Variants in PRICKLE2 observed in about 807,000 individuals in gnomAD.
PRICKLE2 encodes prickle planar cell polarity protein 2.
Under a neutral mutation model 81.4 loss-of-function variants are expected in PRICKLE2, and 21 were observed. The ratio of observed to expected loss-of-function variants is 0.26; its 90% confidence interval spans 0.18 to 0.37. The LOEUF is 0.37. PRICKLE2 is among the 10% of genes least tolerant of loss of function. PRICKLE2 has a pLI of 1.00. For synonymous variants in PRICKLE2, 456 were observed against 421.5 expected (o/e 1.08, Z -1.00); for missense variants, 940 against 1,109.0 (o/e 0.85, Z 2.16).
At chr3:64,120,060 G>T (rs3889648) in intron 7 of PRICKLE2, among the ~76,000 whole-genome samples, 16,015 of 152,154 alleles carry the variant, frequency 0.11, 993 homozygotes, top group Middle Eastern at 0.26. Context: ...CTACTAGAGG[G>T]GAAGGAGGGA....
At chr3:64,201,795 T>C (rs941622403) in intron 1 of PRICKLE2, among the ~76,000 whole-genome samples, 1 of 152,208 alleles carries the variant, frequency 6.6e-6, no homozygotes, top group Non-Finnish European at 1.5e-5. Context: ...TTTAATCATT[T>C]CTAAGAAGCC....
At chr3:64,141,078 A>T (rs532793199) in intron 7 of PRICKLE2, among the ~76,000 whole-genome samples, 5 of 152,288 alleles carry the variant, frequency 3.3e-5, no homozygotes, top group African/African-American at 1.2e-4. Flanking sequence ...TAATGATCAG[A>T]TTTATCTCAC....
rs117333894 is a variant in PRICKLE2 at position 64,214,937 on chromosome 3, A to G, written c.-41+9973T>C. 4.0e-3 allele frequency among the ~76,000 whole-genome samples: 610 copies of G among 151,676 alleles called. 16 individuals carry two copies. The highest frequency in any genetic ancestry group is 0.031 in the East Asian group (159 of 5,112). On this transcript the variant is annotated intron_variant, in intron 1 of 7. Coordinates refer to ENST00000638394, the MANE Select transcript of PRICKLE2 (RefSeq NM_198859.4). ...CATTTATTCATTATCTCTTTTTACC[A>G]CCTCTATCTTTACTATCCTACTCCA... is the stretch of plus-strand genomic sequence containing the variant.
At chr3:64,125,669 A>G (rs368725916) in intron 7 of PRICKLE2, among the ~76,000 whole-genome samples, 23 of 152,372 alleles carry the variant, frequency 1.5e-4, no homozygotes, top group African/African-American at 5.5e-4. Context: ...CACTTTTTAG[A>G]CAGAATAGTA....
chr3:64,161,864 A>G lies in PRICKLE2; in HGVS notation c.258+1152T>C, dbSNP rs149805725. Among the ~76,000 whole-genome samples, 353 of 152,224 alleles carry G rather than the reference A, an allele frequency of 2.3e-3. 3 individuals are homozygous for G. Among genetic ancestry groups the G allele is most frequent in the African/African-American group, 7.7e-3 (320 of 41,546 alleles). On this transcript the variant is annotated intron_variant, in intron 3 of 7. Coordinates refer to ENST00000638394, the MANE Select transcript of PRICKLE2 (RefSeq NM_198859.4). ...ACCCTTCCTGCTTGTAAAAACCCGC[A>G]TTTTCACTTCCAAATTAGTTAACCA...
intron 7 of PRICKLE2, chr3:64,104,786 T>A (rs1030268396): frequency 6.6e-6 from 1 of 152,224 alleles, no homozygotes; most frequent in African/African-American, 2.4e-5. Context: ...AAATACTACC[T>A]GCTCACTCTA....
In PRICKLE2 at chr3:64,151,123, G is replaced by A. The variant is rs536736771; in HGVS notation, c.787+2059C>T. ...GCAACGGCTGCCTGACGCAGGGCCT[G>A]CTCTGAGCGGCTGTATAAATATGGA... On this transcript the variant is annotated intron_variant, in intron 6 of 7. Transcript: ENST00000638394. 1.1e-4 allele frequency among the ~76,000 whole-genome samples: 16 copies of A among 152,312 alleles called. No individual in the cohort carries two copies. The South Asian group carries it at 3.3e-3, about 32-fold the overall frequency.
chr3:64,095,182 G>C lies in PRICKLE2; in HGVS notation c.*3869C>G, dbSNP rs1056941761. On this transcript the variant is annotated 3_prime_UTR_variant, in exon 8 of 8. Coordinates refer to ENST00000638394, the MANE Select transcript of PRICKLE2 (RefSeq NM_198859.4). ...AGTAATTGGCAGAGAACATGAAAAT[G>C]GCCAAGGAGGTAAAGAGATTTTTTT... The C allele has an allele frequency of 3.9e-5, 6 of 152,172 alleles. No individual in the cohort carries two copies. Among genetic ancestry groups the C allele is most frequent in the African/African-American group, 1.4e-4 (6 of 41,428 alleles). The allele number at this position is 152,172 out of a possible 1,614,324, so 9.4% of individuals were successfully genotyped here.
intron 7 of PRICKLE2, among the ~76,000 whole-genome samples, chr3:64,137,494 A>G (rs1004323444): frequency 7.9e-5 from 12 of 152,160 alleles, no homozygotes; most frequent in Non-Finnish European, 1.2e-4. Flanking sequence ...GTGGGTATAG[A>G]TGACTGCTCA....
At chr3:64,188,789 G>C (rs2107095179) in intron 2 of PRICKLE2, among the ~76,000 whole-genome samples, 1 of 152,246 alleles carries the variant, frequency 6.6e-6, no homozygotes, top group South Asian at 2.1e-4. Flanking sequence ...TCCAATGCCT[G>C]CTTTCACATT....
chr3:64,219,045 G>A (rs2078912591), intron 1 of PRICKLE2, among the ~76,000 whole-genome samples: 1 of 152,132 alleles, frequency 6.6e-6, no homozygotes, highest in Non-Finnish European at 1.5e-5. Context: ...AAGGTCAGAC[G>A]TTCTTCCAGG....
At chr3:64,157,553 AG>A (rs1282843401) in intron 4 of PRICKLE2, among the ~76,000 whole-genome samples, 188 bp from the exon 5 acceptor site, 1 of 152,178 alleles carries the variant, frequency 6.6e-6, no homozygotes, top group Non-Finnish European at 1.5e-5. Flanking sequence ...TCCTTTCCTA[AG>A]GCTTACAAAT....
chr3:64,193,247 G>T (rs1439583212), intron 2 of PRICKLE2, among the ~76,000 whole-genome samples: 1 of 152,156 alleles, frequency 6.6e-6, no homozygotes, highest in Non-Finnish European at 1.5e-5. Context: ...CTCAATGATG[G>T]TATCTTGGCA....
At chr3:64,151,352 C>T (rs1390746603) in intron 6 of PRICKLE2, among the ~76,000 whole-genome samples, 1 of 152,220 alleles carries the variant, frequency 6.6e-6, no homozygotes, top group Non-Finnish European at 1.5e-5. Flanking sequence ...CACTGACACC[C>T]TTTAATGGAT....
intron 2 of PRICKLE2, among the ~76,000 whole-genome samples, chr3:64,258,837 AAAAAAAAAAAAGAAAGAAAG>A (rs1559608321): frequency 7.2e-5 from 4 of 55,718 alleles, no homozygotes; most frequent in African/African-American, 2.3e-4. Context: ...AAAAAAAAAA[AAAAAAAAAAAAGAAAGAAAG>A]AAAGAAAGAA....
At chr3:64,176,700 A>G (rs894267318) in intron 2 of PRICKLE2, among the ~76,000 whole-genome samples, 4 of 152,234 alleles carry the variant, frequency 2.6e-5, no homozygotes, top group African/African-American at 7.2e-5. Context: ...TCTGCACATT[A>G]AATACATGAT....
intron 2 of PRICKLE2, among the ~76,000 whole-genome samples, chr3:64,197,436 A>G (rs9829695): frequency 0.25 from 38,367 of 151,946 alleles, 6,020 homozygotes; most frequent in African/African-American, 0.45. Flanking sequence ...TTTTAATGGG[A>G]TTGTTTGGTT....
chr3:64,159,951 T>G lies in PRICKLE2; in HGVS notation c.385A>C (p.Ile129Leu). The G allele has an allele frequency of 6.2e-7, 1 of 1,614,154 alleles. No individual in the cohort carries two copies. Among genetic ancestry groups the G allele is most frequent in the Non-Finnish European group, 8.5e-7 (1 of 1,180,020 alleles). The change falls in exon 4 of 8, where the codon ATT becomes CTT. Residue 129 changes from isoleucine to leucine, a missense_variant. Ile to Leu is a conservative substitution (Grantham distance 5, BLOSUM62 2). Coordinates refer to ENST00000638394, the MANE Select transcript of PRICKLE2 (RefSeq NM_198859.4). ...RPFPVTMTGAICEQCGGQING... is the reference protein window; with the variant it reads ...RPFPVTMTGALCEQCGGQING... The stretch of plus-strand genomic sequence containing the variant: ...GAATCCATGCTTACCTGTTCACAAA[T>G]AGCTCCTGTCATGGTGACTGGGAAA...
At chr3:64,129,823 A>C (rs1250025018) in intron 7 of PRICKLE2, among the ~76,000 whole-genome samples, 1 of 152,094 alleles carries the variant, frequency 6.6e-6, no homozygotes, top group East Asian at 1.9e-4. Flanking sequence ...GGAAACAAAC[A>C]ATGAAAGGGA....
Sources: allele counts gnomAD v4.1 joint callset (sites outside exome capture counted in the v4.1 genomes callset), GRCh38; gene constraint gnomAD v4.1.1; transcripts MANE v1.5; gene names NCBI Gene and HGNC (gene_info 2026-07-23, HGNC 2026-07-21).